Variants in BCAR3 observed in about 807,000 individuals in gnomAD.
The protein encoded by BCAR3 is BCAR3 adaptor protein, NSP family member, also known as breast cancer anti-estrogen resistance protein 3.
Under a neutral mutation model 80.1 loss-of-function variants are expected in BCAR3, and 37 were observed. That is an observed-to-expected ratio of 0.46 (90% confidence interval 0.36 to 0.61). The LOEUF (loss-of-function observed/expected upper bound fraction) is 0.61, where lower values mean the gene tolerates loss of function less well. BCAR3 is among the 20% of genes least tolerant of loss of function. The pLI, the probability that BCAR3 is intolerant of heterozygous loss-of-function variation, is 0.00. For missense variants in BCAR3, 978 were observed against 1,068.2 expected (o/e 0.92, Z 1.18); for synonymous variants, 389 against 418.9 (o/e 0.93, Z 0.87).
chr1:93,810,393 C>T (rs1653802687), intron 2 of BCAR3, among the ~76,000 whole-genome samples: 1 of 152,124 alleles, frequency 6.6e-6, no homozygotes, highest in Admixed American at 6.5e-5. Context: ...AAGCATCTCC[C>T]AGGGTGAATA....
Position 93,571,776 on chromosome 1 carries a change from C to T in BCAR3, c.1868G>A (p.Arg623Gln), listed in dbSNP as rs146027367. The change falls in exon 9 of 12, where the codon CGA (arginine) becomes CAA (glutamine). Residue 623 changes from arginine to glutamine, a missense_variant. Physicochemically the swap from Arg to Gln is conservative, Grantham distance 43. Transcript: ENST00000260502. ...GATGATCTTACTCAGAGTGGCCGCT[C>T]GGTCCTCCAAAGTGCCCGTGCATCC... The part of the protein sequence containing the change: ...ILGCTGTLED[R>Q]AATLSKIIQV... The T allele has an allele frequency of 2.6e-5, 42 of 1,614,018 alleles. No homozygotes were observed. The highest frequency in any genetic ancestry group is 5.0e-5 in the Admixed American group (3 of 60,002).
chr1:93,582,078 T>G (rs758613840), intron 7 of BCAR3, among the ~76,000 whole-genome samples: 3 of 152,212 alleles, frequency 2.0e-5, no homozygotes, highest in Non-Finnish European at 4.4e-5. Context: ...GCTTCCTGCT[T>G]GGGCAAAGGT....
intron 2 of BCAR3, among the ~76,000 whole-genome samples, chr1:93,805,794 A>T (rs990854605): frequency 6.6e-6 from 1 of 152,252 alleles, no homozygotes; most frequent in Non-Finnish European, 1.5e-5. Flanking sequence ...TAGAGGAAAT[A>T]GAGATAATTC....
intron 3 of BCAR3, among the ~76,000 whole-genome samples, chr1:93,617,009 A>C (rs550296614): frequency 7.9e-5 from 12 of 152,336 alleles, no homozygotes; most frequent in African/African-American, 1.2e-4. Flanking sequence ...TCTAATTCAA[A>C]AAGGGGGTTA....
At chr1:93,801,682 G>C (rs1394750715) in intron 2 of BCAR3, among the ~76,000 whole-genome samples, 1 of 152,206 alleles carries the variant, frequency 6.6e-6, no homozygotes, top group African/African-American at 2.4e-5. Flanking sequence ...TTCTCAGGCT[G>C]GGTGTGGTGG....
chr1:93,814,593 G>T (rs562763159), intron 2 of BCAR3, among the ~76,000 whole-genome samples: 21 of 152,216 alleles, frequency 1.4e-4, no homozygotes, highest in Non-Finnish European at 2.4e-4. Context: ...GGAACTCTGG[G>T]CAGCCCTCAT....
chr1:93,689,841 T>C (rs1382445649), intron 3 of BCAR3, among the ~76,000 whole-genome samples: 1 of 152,072 alleles, frequency 6.6e-6, no homozygotes, highest in Non-Finnish European at 1.5e-5. Flanking sequence ...ACAGAAAGCA[T>C]TTATGCTTCA....
intron 2 of BCAR3, among the ~76,000 whole-genome samples, chr1:93,778,184 A>G (rs899968752): frequency 1.3e-5 from 2 of 152,164 alleles, no homozygotes; most frequent in Non-Finnish European, 2.9e-5. Flanking sequence ...TTTGGTGGGA[A>G]GCATAATTTA....
In BCAR3 at chr1:93,576,007, T is replaced by C; in HGVS notation, c.1802+7A>G. On this transcript the variant is annotated splice_region_variant and intron_variant, in intron 8 of 11. Transcript: ENST00000260502. Reference sequence around the variant, plus strand: ...GGGTCGGAAGTGCAGAGGACGGCACTGCTCACCTTTCAATTATGTCCAGGC... The same window carrying C: ...GGGTCGGAAGTGCAGAGGACGGCACCGCTCACCTTTCAATTATGTCCAGGC... The C allele has an allele frequency of 6.2e-7, 1 of 1,613,586 alleles. No individual in the cohort carries two copies.
intron 2 of BCAR3, among the ~76,000 whole-genome samples, chr1:93,751,597 C>T (rs1251904032): frequency 3.3e-5 from 5 of 152,174 alleles, no homozygotes; most frequent in African/African-American, 4.8e-5. Context: ...CCAAGCCCAT[C>T]GGACCTAGTT....
chr1:93,774,535 G>A (rs1652475553), intron 2 of BCAR3, among the ~76,000 whole-genome samples: 2 of 151,072 alleles, frequency 1.3e-5, no homozygotes, highest in South Asian at 4.2e-4. Context: ...TTTGACCCTA[G>A]CCTTGATACT....
intron 3 of BCAR3, among the ~76,000 whole-genome samples, chr1:93,641,053 A>G (rs1450412921): frequency 2.0e-5 from 3 of 152,238 alleles, no homozygotes; most frequent in African/African-American, 4.8e-5. Flanking sequence ...ACACAGATAC[A>G]TATTTATAAA....
chr1:93,806,719 G>A (rs1653665387), intron 2 of BCAR3, among the ~76,000 whole-genome samples: 2 of 152,134 alleles, frequency 1.3e-5, no homozygotes, highest in Admixed American at 1.3e-4. Flanking sequence ...TTGATTCTGT[G>A]GCTAATTTCT....
At chr1:93,784,192 C>A (rs1349832837) in intron 2 of BCAR3, among the ~76,000 whole-genome samples, 20 of 132,802 alleles carry the variant, frequency 1.5e-4, no homozygotes, top group African/African-American at 6.1e-4. Context: ...AATAATGGAT[C>A]TGTAAAGAAA....
At position 93,584,620 on chromosome 1, in the gene BCAR3, G is replaced by C. The variant is rs1237448016; in HGVS notation, c.930-499C>G. 3.9e-5 allele frequency among the ~76,000 whole-genome samples: 6 copies of C among 152,192 alleles called. No individual in the cohort carries two copies. In the East Asian group the frequency reaches 1.2e-3, roughly 29 times the overall value. On this transcript the variant is annotated intron_variant, in intron 5 of 11. Transcript: ENST00000260502. ...CTCAGCATCCCCCAAATAACCTGCAGGACTGCCTGGGGAGGCTGCCATCCC... is the reference window on the plus strand; with the variant it reads ...CTCAGCATCCCCCAAATAACCTGCACGACTGCCTGGGGAGGCTGCCATCCC...
At chr1:93,749,237 G>T (rs987806352) in intron 2 of BCAR3, among the ~76,000 whole-genome samples, 2 of 151,948 alleles carry the variant, frequency 1.3e-5, no homozygotes, top group Non-Finnish European at 2.9e-5. Flanking sequence ...TTAAGTTTTG[G>T]TTAATGTTTC....
intron 2 of BCAR3, among the ~76,000 whole-genome samples, chr1:93,670,992 G>GATA (rs987273040): frequency 2.0e-5 from 3 of 151,798 alleles, no homozygotes; most frequent in Non-Finnish European, 2.9e-5. Context: ...TATAATAAAG[G>GATA]TTATTATTAT....
At chr1:93,564,317 G>A (rs1489958830) in intron 11 of BCAR3, among the ~76,000 whole-genome samples, 2 of 121,652 alleles carry the variant, frequency 1.6e-5, no homozygotes, top group African/African-American at 6.1e-5. Context: ...TTTTTGAGAT[G>A]GAGTTTTGCT....
chr1:93,758,147 C>T (rs1651808373), intron 2 of BCAR3, among the ~76,000 whole-genome samples: 1 of 152,018 alleles, frequency 6.6e-6, no homozygotes, highest in Non-Finnish European at 1.5e-5. Flanking sequence ...AGGCAGCACT[C>T]CCGAAGTCAG....
Sources: allele counts gnomAD v4.1 joint callset (sites outside exome capture counted in the v4.1 genomes callset), GRCh38; gene constraint gnomAD v4.1.1; transcripts MANE v1.5; gene names NCBI Gene and HGNC (gene_info 2026-07-23, HGNC 2026-07-21).